The following IGSF21 variants were observed in gnomAD, a reference collection of about 807,000 sequenced individuals.
IGSF21 encodes immunoglobin superfamily member 21, also known as immunoglobulin superfamily member 21.
Under a neutral mutation model 46.8 loss-of-function variants are expected in IGSF21, and 28 were observed. The observed-to-expected ratio is 0.60, with a 90% CI of 0.44 to 0.82. IGSF21 has a LOEUF of 0.82. Ranked by LOEUF, IGSF21 falls within the 40% of genes least tolerant of loss-of-function variation. IGSF21 has a pLI of 0.00. For missense variants in IGSF21, 624 were observed against 665.5 expected (o/e 0.94, Z 0.69); for synonymous variants, 284 against 273.6 (o/e 1.04, Z -0.38).
In IGSF21 at chr1:18,376,333, G is replaced by A. The variant is rs746467081; in HGVS notation, c.1039G>A (p.Val347Met). Residue 347 changes from valine to methionine, a missense_variant, in exon 7 of 10, where the codon GTG becomes ATG. Transcript: ENST00000251296. ...TLVAPKGPKI[V>M]MTPSRARVGD... Reference sequence around the variant, plus strand: ...AGTTGCCCCCAAAGGACCCAAAATTGTGATGACGCCCAGCAGAGCCCGGGT... The same window carrying A: ...AGTTGCCCCCAAAGGACCCAAAATTATGATGACGCCCAGCAGAGCCCGGGT... 19 of 1,613,832 alleles carry A rather than the reference G, an allele frequency of 1.2e-5. No individual in the cohort carries two copies. The highest frequency in any genetic ancestry group is 1.6e-5 in the Non-Finnish European group (19 of 1,179,920).
intron 1 of IGSF21, among the ~76,000 whole-genome samples, chr1:18,226,565 C>T (rs138142263): frequency 1.3e-5 from 2 of 152,318 alleles, no homozygotes; most frequent in Admixed American, 6.5e-5. Context: ...CTTGCCTTGC[C>T]CCTCACCCTG....
At chr1:18,256,197 T>C (rs1359622495) in intron 2 of IGSF21, among the ~76,000 whole-genome samples, 1 of 152,172 alleles carries the variant, frequency 6.6e-6, no homozygotes, top group Non-Finnish European at 1.5e-5. Context: ...TGCCCTCCTG[T>C]ATGACTAGGG....
chr1:18,305,448 A>T (rs2085412136), intron 3 of IGSF21, among the ~76,000 whole-genome samples: 3 of 149,916 alleles, frequency 2.0e-5, no homozygotes, highest in African/African-American at 7.4e-5. Flanking sequence ...GGATGGATGG[A>T]TGCATGCATG....
intron 4 of IGSF21, among the ~76,000 whole-genome samples, chr1:18,355,600 C>A (rs1344708627): frequency 7.2e-6 from 1 of 139,312 alleles, no homozygotes; most frequent in East Asian, 2.1e-4. Context: ...ATTCTCTCCC[C>A]TTAAGGCACA....
intron 1 of IGSF21, among the ~76,000 whole-genome samples, chr1:18,177,607 C>T (rs1156785132): frequency 1.3e-5 from 2 of 151,962 alleles, no homozygotes; most frequent in Non-Finnish European, 2.9e-5. Flanking sequence ...AACACACTTA[C>T]TGATGTGGTG....
chr1:18,263,793 G>A (rs572176310), intron 2 of IGSF21, among the ~76,000 whole-genome samples: 9 of 152,218 alleles, frequency 5.9e-5, no homozygotes, highest in East Asian at 1.9e-4. Context: ...ACTCTCACAC[G>A]TATTGCATTT....
chr1:18,351,304 TG>T (rs1460568045), intron 4 of IGSF21, among the ~76,000 whole-genome samples: 1 of 116,742 alleles, frequency 8.6e-6, no homozygotes, highest in Non-Finnish European at 1.8e-5. Context: ...CTTCATTCTA[TG>T]GGTGGGGGGG....
intron 1 of IGSF21, among the ~76,000 whole-genome samples, chr1:18,206,139 G>A (rs1035154267): frequency 6.6e-5 from 10 of 152,212 alleles, no homozygotes; most frequent in African/African-American, 2.4e-4. Flanking sequence ...TAGAGAGAGA[G>A]GTTAGCTGGG....
At position 18,246,213 on chromosome 1, in the gene IGSF21, G is replaced by T. The variant is rs374934890; in HGVS notation, c.183+18203G>T. ...GGCCCTCCCTGAGTCTGTGAATGAG[G>T]CCCTCTTGCTTCCTGGGTGAATGTC... On this transcript the variant is annotated intron_variant, in intron 2 of 9. Coordinates refer to ENST00000251296, the MANE Select transcript of IGSF21 (RefSeq NM_032880.5). Among the ~76,000 whole-genome samples, 21 of 152,208 alleles carry T rather than the reference G, an allele frequency of 1.4e-4. 1 individual carries two copies. Among genetic ancestry groups the T allele is most frequent in the South Asian group, 6.2e-4 (3 of 4,812 alleles).
chr1:18,182,122 C>T (rs1267780733), intron 1 of IGSF21, among the ~76,000 whole-genome samples: 2 of 150,924 alleles, frequency 1.3e-5, no homozygotes, highest in Non-Finnish European at 2.9e-5. Flanking sequence ...GCTTTCCTTC[C>T]TTTCCTTCCA....
chr1:18,142,864 G>A (rs1432577406), intron 1 of IGSF21, among the ~76,000 whole-genome samples: 2 of 152,188 alleles, frequency 1.3e-5, no homozygotes, highest in Admixed American at 6.5e-5. Flanking sequence ...AAGCAGGGGC[G>A]GCCTGTGGCC....
chr1:18,172,558 C>T (rs552155137), intron 1 of IGSF21, among the ~76,000 whole-genome samples: 4 of 152,150 alleles, frequency 2.6e-5, no homozygotes, highest in Non-Finnish European at 5.9e-5. Flanking sequence ...CTTCACATGG[C>T]CTTTCCTTGT....
chr1:18,174,016 A>G (rs139558236), intron 1 of IGSF21, among the ~76,000 whole-genome samples: 1 of 152,310 alleles, frequency 6.6e-6, no homozygotes, highest in African/African-American at 2.4e-5. Context: ...GGCCTCCCAA[A>G]GTGCTGGGAT....
chr1:18,328,306 CA>C (rs1442812449), intron 3 of IGSF21, among the ~76,000 whole-genome samples: 4 of 152,108 alleles, frequency 2.6e-5, no homozygotes, highest in Non-Finnish European at 5.9e-5. Flanking sequence ...TACACTCGGG[CA>C]AAATAATCCA....
rs9661678 is a variant in IGSF21 at position 18,154,003 on chromosome 1, C to T, written c.70+45805C>T. Among the ~76,000 whole-genome samples, 8 of 152,172 alleles carry T rather than the reference C, an allele frequency of 5.3e-5. No individual in the cohort carries two copies. In the East Asian group the frequency reaches 1.6e-3, roughly 29 times the overall value. Reference sequence around the variant, plus strand: ...AGTGATTTAATTGTAGGAGCCGATCCGTTCCTAGGTCTCACCACCTTATCT... The same window carrying T: ...AGTGATTTAATTGTAGGAGCCGATCTGTTCCTAGGTCTCACCACCTTATCT... On this transcript the variant is annotated intron_variant, in intron 1 of 9. Transcript: ENST00000251296.
chr1:18,236,502 G>A (rs1299273592), intron 2 of IGSF21, among the ~76,000 whole-genome samples: 6 of 152,232 alleles, frequency 3.9e-5, no homozygotes, highest in Non-Finnish European at 7.3e-5. Context: ...ATGTTAAGCT[G>A]GGAGTGCCTC....
At chr1:18,222,483 C>T (rs947566125) in intron 1 of IGSF21, among the ~76,000 whole-genome samples, 4 of 152,166 alleles carry the variant, frequency 2.6e-5, no homozygotes, top group Non-Finnish European at 5.9e-5. Flanking sequence ...TGCCACCTCG[C>T]CCTGATCCAG....
At chr1:18,359,724 C>A (rs2086079818) in intron 4 of IGSF21, among the ~76,000 whole-genome samples, 1 of 152,174 alleles carries the variant, frequency 6.6e-6, no homozygotes, top group South Asian at 2.1e-4. Context: ...GGTCACTGAT[C>A]TTTGGGGTAA....
intron 1 of IGSF21, among the ~76,000 whole-genome samples, chr1:18,146,615 G>A (rs2086469250): frequency 6.6e-6 from 1 of 152,164 alleles, no homozygotes; most frequent in Non-Finnish European, 1.5e-5. Context: ...GGTCAAGGTA[G>A]TAGGAGAGGA....
Sources: allele counts gnomAD v4.1 joint callset (sites outside exome capture counted in the v4.1 genomes callset), GRCh38; gene constraint gnomAD v4.1.1; transcripts MANE v1.5; gene names NCBI Gene and HGNC (gene_info 2026-07-23, HGNC 2026-07-21).